Variants in HTR3B observed in about 807,000 individuals in gnomAD.
HTR3B encodes 5-hydroxytryptamine (serotonin) receptor 3B, ionotropic.
HTR3B carries 44 observed loss-of-function variants against 42.8 expected under a neutral mutation model. That is an observed-to-expected ratio of 1.03 (90% CI 0.81 to 1.32). HTR3B has a LOEUF of 1.32. Among genes scored for constraint, HTR3B ranks in the 40% most tolerant of loss-of-function variants. HTR3B has a pLI of 0.00. For missense variants in HTR3B, 527 were observed against 536.5 expected (o/e 0.98, Z 0.17); for synonymous variants, 203 against 209.0 (o/e 0.97, Z 0.25).
At chr11:113,915,844 A>G (rs1171387487) in intron 2 of HTR3B, among the ~76,000 whole-genome samples, 3 of 151,018 alleles carry the variant, frequency 2.0e-5, no homozygotes, top group Non-Finnish European at 4.4e-5. Flanking sequence ...CAATCTTTAA[A>G]TGTTTTTTTT....
rs138942341 is a variant in HTR3B, at chr11:113,909,313, C to T, written c.71C>T (p.Thr24Ile). 2 of 1,612,642 alleles carry T rather than the reference C, an allele frequency of 1.2e-6. No homozygotes were observed. The highest frequency in any genetic ancestry group is 2.2e-5 in the South Asian group (2 of 91,044). ...TTTCCAGGAATTCTAGCCACAGATA[C>T]ACATCATCCCCAGGATTCTGCTCTG... The part of the protein sequence containing the change: ...LVAAGILATD[T>I]HHPQDSALYH... Residue 24 changes from threonine to isoleucine, a missense_variant, in exon 2 of 9, where the codon ACA becomes ATA. Transcript: ENST00000260191.
At chr11:113,930,477 TTTC>T (rs1397582187) in intron 2 of HTR3B, among the ~76,000 whole-genome samples, 1 of 150,760 alleles carries the variant, frequency 6.6e-6, no homozygotes, top group Non-Finnish European at 1.5e-5. Flanking sequence ...AGGGTTTTTT[TTTC>T]TTTTCTCTTT....
chr11:113,934,006 A>G (rs1441229475), intron 6 of HTR3B, among the ~76,000 whole-genome samples: 1 of 152,250 alleles, frequency 6.6e-6, no homozygotes, highest in Non-Finnish European at 1.5e-5. Flanking sequence ...GAATTATCCT[A>G]AAAATATACC....
rs1392691358 is a variant in HTR3B at position 113,947,488 on chromosome 11, A to G, written c.*1351A>G. Among the ~76,000 whole-genome samples the G allele has an allele frequency of 6.6e-6, 1 of 152,190 alleles. No homozygotes were observed. Among genetic ancestry groups the G allele is most frequent in the African/African-American group, 2.4e-5 (1 of 41,456 alleles). On this transcript the variant is annotated 3_prime_UTR_variant, in exon 9 of 9. Transcript: ENST00000260191. Reference sequence around the variant, plus strand: ...AGATTTATTTTCTCACCAGTCTGGAAGCTAGAAGCCTAAGATCAAGGTGCA... The same window carrying G: ...AGATTTATTTTCTCACCAGTCTGGAGGCTAGAAGCCTAAGATCAAGGTGCA...
intron 2 of HTR3B, among the ~76,000 whole-genome samples, chr11:113,928,802 G>T (rs1950002146): frequency 6.6e-6 from 1 of 152,164 alleles, no homozygotes; most frequent in Non-Finnish European, 1.5e-5. Context: ...CTCCCAAAGT[G>T]CTGGGATTAC....
At chr11:113,934,359 A>C (rs748002325) in intron 6 of HTR3B, among the ~76,000 whole-genome samples, 8 of 151,852 alleles carry the variant, frequency 5.3e-5, no homozygotes, top group Non-Finnish European at 8.8e-5. Context: ...CTGTCAAAAG[A>C]AAAGAAAGGA....
At chr11:113,932,638 A>G (rs1429723903) in intron 5 of HTR3B, among the ~76,000 whole-genome samples, 180 bp downstream of exon 5, 1 of 92,808 alleles carries the variant, frequency 1.1e-5, no homozygotes, top group Non-Finnish European at 2.0e-5. Context: ...GTAGGCCCCC[A>G]TAGTTGTTTT....
chr11:113,917,290 G>A (rs1448056536), intron 2 of HTR3B, among the ~76,000 whole-genome samples: 5 of 151,702 alleles, frequency 3.3e-5, no homozygotes, highest in Non-Finnish European at 7.4e-5. Context: ...CTGCCACCAC[G>A]CCCAGCTAAT....
chr11:113,905,097 A>G (rs1352640466), intron 1 of HTR3B, 112 bp downstream of exon 1: 5 of 735,460 alleles, frequency 6.8e-6, no homozygotes, highest in Admixed American at 5.3e-5. Context: ...GTTTTTATTC[A>G]TCGTCTGTAA....
At chr11:113,914,012 A>G (rs1591572213) in intron 2 of HTR3B, among the ~76,000 whole-genome samples, 2 of 151,732 alleles carry the variant, frequency 1.3e-5, no homozygotes, top group South Asian at 4.2e-4. Context: ...TTGAGCTTGA[A>G]CTTTCCAGAC....
At chr11:113,901,446 G>GA (rs1245564709), upstream of HTR3B, among the ~76,000 whole-genome samples, 131 of 135,326 alleles carry the variant, frequency 9.7e-4, no homozygotes, top group South Asian at 4.1e-3. Flanking sequence ...GCCTCTTAGG[G>GA]AAAAAAAAAA....
chr11:113,931,507 G>C (rs1354677444), intron 3 of HTR3B, 79 bp downstream of exon 3: 2 of 895,230 alleles, frequency 2.2e-6, no homozygotes, highest in Admixed American at 4.9e-5. Context: ...TTAAGAAATA[G>C]GTATTATCTT....
chr11:113,934,963 C>A (rs1236564450), intron 6 of HTR3B, among the ~76,000 whole-genome samples: 2 of 152,114 alleles, frequency 1.3e-5, no homozygotes, highest in Non-Finnish European at 2.9e-5. Flanking sequence ...ATTACCTACA[C>A]TGCACGGAGG....
In HTR3B at chr11:113,927,132, A is replaced by C. The variant is rs554425918; in HGVS notation, c.214-4252A>C. Among the ~76,000 whole-genome samples, 10 of 152,264 alleles carry C rather than the reference A, an allele frequency of 6.6e-5. No homozygotes were observed. In the South Asian group the frequency reaches 2.1e-3, roughly 32 times the overall value. ...ACTTGTCATAAAATACACAACATAA[A>C]ATTTATCATCTTGACCTTTTTTAAG... On this transcript the variant is annotated intron_variant, in intron 2 of 8. Coordinates refer to ENST00000260191, the MANE Select transcript of HTR3B (RefSeq NM_006028.5).
At chr11:113,906,978 A>G (rs1356033252) in intron 1 of HTR3B, among the ~76,000 whole-genome samples, 6 of 152,192 alleles carry the variant, frequency 3.9e-5, no homozygotes. Context: ...CTCTCTTATA[A>G]TCCTACAGAT....
chr11:113,914,222 C>T (rs1949830072), intron 2 of HTR3B, among the ~76,000 whole-genome samples: 1 of 151,874 alleles, frequency 6.6e-6, no homozygotes, highest in Non-Finnish European at 1.5e-5. Flanking sequence ...AATCCCAGCA[C>T]TTCGGGAGGC....
chr11:113,909,888 G>C (rs1949769305), intron 2 of HTR3B, among the ~76,000 whole-genome samples: 1 of 149,926 alleles, frequency 6.7e-6, no homozygotes, highest in Non-Finnish European at 1.5e-5. Context: ...AGAGGATGAA[G>C]AGGGAGAATA....
At chr11:113,933,500 G>A (rs1322288021) in intron 6 of HTR3B, among the ~76,000 whole-genome samples, 1 of 151,752 alleles carries the variant, frequency 6.6e-6, no homozygotes, top group East Asian at 1.9e-4. Flanking sequence ...TTTTTATTGA[G>A]TAAATTATCA....
intron 2 of HTR3B, among the ~76,000 whole-genome samples, chr11:113,913,297 C>T (rs1949814935): frequency 6.7e-6 from 1 of 148,404 alleles, no homozygotes. Context: ...GATTCTCTTG[C>T]CTCAGCCTCC....
Sources: gnomAD v4.1 joint callset for allele counts (sites outside exome capture counted in the v4.1 genomes callset) on GRCh38, gnomAD v4.1.1 for gene constraint, MANE v1.5 for transcripts, NCBI Gene and HGNC (gene_info 2026-07-23, HGNC 2026-07-21) for gene names.